ARHGEF18: variants seen among roughly 807,000 people sequenced by gnomAD.
The protein encoded by ARHGEF18 is Rho/Rac guanine nucleotide exchange factor 18, also known as rho guanine nucleotide exchange factor 18.
A neutral mutation model predicts 155.7 loss-of-function variants in ARHGEF18; 93 were observed. The ratio of observed to expected loss-of-function variants is 0.60; its 90% CI spans 0.50 to 0.71. ARHGEF18 has a LOEUF of 0.71. Ranked by LOEUF, ARHGEF18 falls within the 30% of genes least tolerant of loss-of-function variation. ARHGEF18 has a pLI of 0.00. For synonymous variants in ARHGEF18, 742 were observed against 753.1 expected (o/e 0.99, Z 0.24); for missense variants, 1,593 against 1,816.1 (o/e 0.88, Z 2.23).
chr19:7,460,081 C>A, intron 20 of ARHGEF18, 87 bp downstream of exon 20: 2 of 1,267,474 alleles, frequency 1.6e-6, no homozygotes, highest in Non-Finnish European at 2.2e-6. Flanking sequence ...GTGAACTGCC[C>A]CCCAGGTGAC....
rs138199729 is a variant in ARHGEF18 at position 7,373,819 on chromosome 19, G to A, written c.275+748G>A. 6.2e-3 allele frequency among the ~76,000 whole-genome samples: 922 copies of A among 147,964 alleles called. 13 individuals are homozygous for A. The highest frequency in any genetic ancestry group is 0.021 in the African/African-American group (833 of 39,508). Reference sequence around the variant, plus strand: ...GCAACCTAGATCCCTCGCATGTGCCGTTCACAATACAGTTCCCGCTCCTAT... The same window carrying A: ...GCAACCTAGATCCCTCGCATGTGCCATTCACAATACAGTTCCCGCTCCTAT... On this transcript the variant is annotated intron_variant, in intron 3 of 28. Transcript: ENST00000668164.
At position 7,395,625 on chromosome 19, in the gene ARHGEF18, A is replaced by AAT. The variant is rs1222456225; in HGVS notation, c.967+12424_967+12425dup. ...CCAGGGATGGAATGGAACCCACCAC[A>AAT]ATACCCAGCACCGTCGTATTTCAGG... On this transcript the variant is annotated intron_variant, in intron 10 of 28. Transcript: ENST00000668164. This position sits in a 1 kb window ranked among gnomAD's most constrained non-coding sequence, Gnocchi z 5.0. 6.6e-6 allele frequency among the ~76,000 whole-genome samples: 1 copy of AAT among 151,946 alleles called. No homozygotes were observed. Among genetic ancestry groups the AAT allele is most frequent in the East Asian group, 1.9e-4 (1 of 5,168 alleles).
intron 16 of ARHGEF18, among the ~76,000 whole-genome samples, chr19:7,452,459 T>C (rs983888648): frequency 1.3e-5 from 2 of 151,648 alleles, no homozygotes; most frequent in Non-Finnish European, 2.9e-5. Context: ...ATCTAATTTA[T>C]TTATTTATTT....
In ARHGEF18 at chr19:7,464,672, T is replaced by C; in HGVS notation, c.2886T>C (p.Ser962=). Residue 962 remains serine, a synonymous_variant, in exon 23 of 29, where the codon TCT becomes TCC. Coordinates refer to ENST00000668164, the MANE Select transcript of ARHGEF18 (RefSeq NM_001367823.1). ...GTGACAGTGACATTCCTGGGAGCTC[T>C]GAGGAATCGCCGCAGGTGGTACGTG... The part of the protein sequence containing the change: ...KLSDSDIPGS[S]EESPQVVEAP... 6.2e-7 allele frequency: 1 copy of C among 1,614,004 alleles called. No individual in the cohort carries two copies.
In ARHGEF18 at chr19:7,363,760, TGAAAG is replaced by T. The variant is rs776240262; in HGVS notation, c.15+859_15+863del. Among the ~76,000 whole-genome samples the T allele has an allele frequency of 3.3e-4, 48 of 143,574 alleles. 1 individual carries two copies. The highest frequency in any genetic ancestry group is 5.8e-4 in the Non-Finnish European group (38 of 66,028). 94.2% of individuals were successfully genotyped at this position (143,574 alleles called of 152,430 possible). On this transcript the variant is annotated intron_variant, in intron 2 of 28. Coordinates refer to ENST00000668164, the MANE Select transcript of ARHGEF18 (RefSeq NM_001367823.1). ...AAAGGAAGGAAGATGGCTAGATTGA[TGAAAG>T]GAAGGAGGATGGATAAATGAAAGAA...
intron 13 of ARHGEF18, 31 bp downstream of exon 13, chr19:7,442,083 C>G (rs755804994): frequency 1.2e-6 from 2 of 1,612,054 alleles, no homozygotes; most frequent in Non-Finnish European, 1.7e-6. Context: ...TGCCATCACA[C>G]CGGCCCTCCA....
intron 10 of ARHGEF18, among the ~76,000 whole-genome samples, chr19:7,386,859 A>G (rs1278209249): frequency 6.6e-6 from 1 of 152,028 alleles, no homozygotes; most frequent in Non-Finnish European, 1.5e-5. Flanking sequence ...TGAGCCTGGA[A>G]GTTCCCATTG....
intron 2 of ARHGEF18, among the ~76,000 whole-genome samples, chr19:7,367,832 T>C (rs1158164139): frequency 4.2e-5 from 4 of 95,224 alleles, no homozygotes; most frequent in South Asian, 2.8e-4. Context: ...TATATACACA[T>C]ATATATATTT....
downstream of ARHGEF18, chr19:7,477,298 C>T (rs777864503): frequency 1.1e-5 from 17 of 1,572,180 alleles, no homozygotes; most frequent in Non-Finnish European, 1.4e-5. Context: ...CTAGCCACGG[C>T]GGGAAGCGGC....
chr19:7,439,802 A>T, intron 10 of ARHGEF18: 3 of 1,433,288 alleles, frequency 2.1e-6, no homozygotes, highest in Middle Eastern at 2.6e-4. Context: ...CCGTTTCATG[A>T]TCTTAGACTA....
At chr19:7,353,075 A>G (rs1969197318) in intron 1 of ARHGEF18, among the ~76,000 whole-genome samples, 1 of 150,832 alleles carries the variant, frequency 6.6e-6, no homozygotes, top group African/African-American at 2.4e-5. Flanking sequence ...ACCTCCAGTG[A>G]GTTGCCCACC....
At chr19:7,423,435 G>A (rs928208996) in intron 10 of ARHGEF18, among the ~76,000 whole-genome samples, 1 of 152,012 alleles carries the variant, frequency 6.6e-6, no homozygotes, top group Admixed American at 6.6e-5. Flanking sequence ...CAAAAAGGTA[G>A]TGAAAGCACA....
At chr19:7,447,356 G>T (rs1975063824) in intron 15 of ARHGEF18, among the ~76,000 whole-genome samples, 188 bp downstream of exon 15, 1 of 151,994 alleles carries the variant, frequency 6.6e-6, no homozygotes, top group African/African-American at 2.4e-5. Context: ...TGGCATGGTG[G>T]CACGCACCTG....
intron 10 of ARHGEF18, among the ~76,000 whole-genome samples, chr19:7,433,305 A>G (rs560101656): frequency 6.6e-6 from 1 of 151,866 alleles, no homozygotes; most frequent in African/African-American, 2.4e-5. Flanking sequence ...CGTCTCTACT[A>G]AAAATACAAA....
At chr19:7,390,672 G>GT in intron 10 of ARHGEF18, 1 of 152,250 alleles carries the variant, frequency 6.6e-6, no homozygotes, top group East Asian at 1.9e-4. Flanking sequence ...CTTTCAGCCA[G>GT]TAAGCGGCAA....
At chr19:7,365,488 C>T (rs571808630) in intron 2 of ARHGEF18, among the ~76,000 whole-genome samples, 45 of 152,274 alleles carry the variant, frequency 3.0e-4, no homozygotes, top group Admixed American at 2.8e-3. Context: ...GGTAAAGGAT[C>T]ACAGAACCAG....
At chr19:7,400,643 G>C (rs932721508) in intron 10 of ARHGEF18, among the ~76,000 whole-genome samples, 1 of 152,134 alleles carries the variant, frequency 6.6e-6, no homozygotes, top group Non-Finnish European at 1.5e-5. Flanking sequence ...GACCAGCCTG[G>C]ATAGCATAGC....
chr19:7,440,044 A>G lies in ARHGEF18; in HGVS notation c.968-300A>G, dbSNP rs1974525302. The G allele has an allele frequency of 2.6e-6, 4 of 1,550,744 alleles. No homozygotes were observed. Among genetic ancestry groups the G allele is most frequent in the Non-Finnish European group, 3.5e-6 (4 of 1,146,792 alleles). Reference sequence around the variant, plus strand: ...TTTTCTAGAAGGATCCCACCGAGGCATAAAAACGGCGCAGCCCAGCCTGGC... The same window carrying G: ...TTTTCTAGAAGGATCCCACCGAGGCGTAAAAACGGCGCAGCCCAGCCTGGC... On this transcript the variant is annotated intron_variant, in intron 10 of 28. Transcript: ENST00000668164. The surrounding 1 kb of genome is among the most constrained non-coding windows in gnomAD (Gnocchi z 5.4).
At chr19:7,451,402 T>TC in intron 16 of ARHGEF18, 136 bp downstream of exon 16, 1 of 586,480 alleles carries the variant, frequency 1.7e-6, no homozygotes, top group Non-Finnish European at 2.8e-6. Flanking sequence ...TGGGGTTCCT[T>TC]CCTTTTTTTT....
Sources: allele counts gnomAD v4.1 joint callset (sites outside exome capture counted in the v4.1 genomes callset), GRCh38; gene constraint gnomAD v4.1.1; non-coding constraint Gnocchi (gnomAD v3.1); transcripts MANE v1.5; gene names NCBI Gene and HGNC (gene_info 2026-07-23, HGNC 2026-07-21).